The following TMEM63C variants were observed in gnomAD, a reference collection of about 807,000 sequenced individuals.
TMEM63C encodes the protein transmembrane protein 63C.
TMEM63C carries 32 observed loss-of-function variants against 99.2 expected under a neutral mutation model. That is an observed-to-expected ratio of 0.32 (90% confidence interval 0.24 to 0.43). TMEM63C has a LOEUF of 0.43. Among genes scored for constraint, TMEM63C ranks in the 20% least tolerant of loss-of-function variants. The pLI is 1.00. For missense variants in TMEM63C, 826 were observed against 1,053.0 expected (o/e 0.78, Z 2.98); for synonymous variants, 376 against 397.9 (o/e 0.94, Z 0.66).
chr14:77,231,524 C>T, intron 6 of TMEM63C, 64 bp from the exon 7 acceptor site: 1 of 1,538,470 alleles, frequency 6.5e-7, no homozygotes, highest in African/African-American at 1.4e-5. Flanking sequence ...CCCTCTACCT[C>T]CCCGCAACAA....
At chr14:77,204,623 G>A (rs571589818) in intron 1 of TMEM63C, among the ~76,000 whole-genome samples, 23 of 152,330 alleles carry the variant, frequency 1.5e-4, no homozygotes, top group Admixed American at 2.6e-4. Context: ...TTCCCTTTGC[G>A]GGGAGGTGTG....
chr14:77,199,250 G>C (rs1888258261), intron 1 of TMEM63C, among the ~76,000 whole-genome samples: 1 of 152,178 alleles, frequency 6.6e-6, no homozygotes, highest in African/African-American at 2.4e-5. Flanking sequence ...AAGGCCAAAT[G>C]CCTTTCATGA....
At position 77,239,620 on chromosome 14, in the gene TMEM63C, G is replaced by C; in HGVS notation, c.824G>C (p.Gly275Ala). 1.2e-6 allele frequency: 2 copies of C among 1,613,384 alleles called. No homozygotes were observed. The highest frequency in any genetic ancestry group is 1.1e-5 in the South Asian group (1 of 91,036). Reference sequence around the variant, plus strand: ...GCTGGCAGGCGCCATGCCATGCGGGGCCGGCTTTTCTATACAGCCAAGGCC... The same window carrying C: ...GCTGGCAGGCGCCATGCCATGCGGGCCCGGCTTTTCTATACAGCCAAGGCC... The part of the protein sequence containing the change: ...LDDQRRHAMR[G>A]RLFYTAKAKK... Residue 275 changes from glycine (G) to alanine (A), a missense_variant, in exon 12 of 24, where the codon GGC becomes GCC. Gly to Ala is a moderately conservative substitution (Grantham distance 60, BLOSUM62 0). Transcript: ENST00000298351.
intron 1 of TMEM63C, among the ~76,000 whole-genome samples, chr14:77,198,885 G>A (rs988561140): frequency 2.0e-5 from 3 of 152,180 alleles, no homozygotes; most frequent in African/African-American, 4.8e-5. Context: ...GCTGGTTCCC[G>A]CAAGGTGGTA....
Position 77,240,702 on chromosome 14 carries a change from C to T in TMEM63C, c.1064+94C>T, listed in dbSNP as rs889875549. On this transcript the variant is annotated intron_variant, in intron 13 of 23. Transcript: ENST00000298351. ...CCACCTCCAGTTTCCCCTTCTGCCT[C>T]CCCTGGGCCCTCCATGCTCGTCACA... 75 of 1,475,364 alleles carry T rather than the reference C, an allele frequency of 5.1e-5. No individual in the cohort carries two copies. The Middle Eastern group carries it at 8.8e-4, about 17-fold the overall frequency. 91.4% of individuals were successfully genotyped at this position (1,475,364 alleles called of 1,614,324 possible).
chr14:77,201,072 C>A (rs750741258), intron 1 of TMEM63C: 1 of 146,334 alleles, frequency 6.8e-6, no homozygotes, highest in Non-Finnish European at 1.5e-5. Flanking sequence ...AGATAGAAAA[C>A]CAAGTGGGAA....
At chr14:77,237,387 G>T (rs73307486) in intron 9 of TMEM63C, among the ~76,000 whole-genome samples, 5,455 of 152,206 alleles carry the variant, frequency 0.036, 304 homozygotes, top group African/African-American at 0.12. Flanking sequence ...CAGACCCTGA[G>T]ACTTGGAATG....
At position 77,258,988 on chromosome 14, in the gene TMEM63C, T is replaced by C. The variant is rs974380897; in HGVS notation, c.*2262T>C. 2.6e-5 allele frequency: 4 copies of C among 152,432 alleles called. No individual in the cohort carries two copies. The highest frequency in any genetic ancestry group is 1.3e-4 in the Admixed American group (2 of 15,310). 9.4% of individuals were successfully genotyped at this position (152,432 alleles called of 1,614,324 possible). On this transcript the variant is annotated 3_prime_UTR_variant, in exon 24 of 24. Transcript: ENST00000298351. ...GGGAACCAGCAAAGCCTCATGGCAG[T>C]TGGCTCCATCTGGACCTCCCATGGT...
chr14:77,187,549 T>C (rs1197941232), intron 1 of TMEM63C, among the ~76,000 whole-genome samples: 2 of 152,194 alleles, frequency 1.3e-5, no homozygotes, highest in African/African-American at 4.8e-5. Context: ...CCCAGGCACA[T>C]ACATGCAGCT....
intron 13 of TMEM63C, among the ~76,000 whole-genome samples, chr14:77,241,800 G>A (rs973693352): frequency 6.6e-6 from 1 of 152,178 alleles, no homozygotes; most frequent in African/African-American, 2.4e-5. Flanking sequence ...TTGCCATTTG[G>A]TAGAGAGGAT....
At chr14:77,244,879 G>T (rs1434748128) in intron 16 of TMEM63C, among the ~76,000 whole-genome samples, 2 of 152,198 alleles carry the variant, frequency 1.3e-5, no homozygotes, top group Non-Finnish European at 2.9e-5. Context: ...AACTCACTAT[G>T]ACTGTCATCA....
At chr14:77,235,786 G>C (rs112088033) in intron 8 of TMEM63C, among the ~76,000 whole-genome samples, 1 of 2,046 alleles carries the variant, frequency 4.9e-4, no homozygotes, top group East Asian at 0.023. Flanking sequence ...ACTGTGATGG[G>C]TGGGCGGTAT....
chr14:77,193,692 G>T (rs1214311729), intron 1 of TMEM63C, among the ~76,000 whole-genome samples: 1 of 152,122 alleles, frequency 6.6e-6, no homozygotes, highest in African/African-American at 2.4e-5. Flanking sequence ...AAATTAGCCG[G>T]GTGTGGTGAC....
chr14:77,246,568 A>G (rs773024084), intron 17 of TMEM63C, 41 bp from the exon 18 acceptor site: 88 of 1,573,290 alleles, frequency 5.6e-5, no homozygotes, highest in Middle Eastern at 5.0e-4. Context: ...CTTAGCTCAT[A>G]GGTTTGCTAA....
At chr14:77,204,304 A>C (rs1473596420) in intron 1 of TMEM63C, among the ~76,000 whole-genome samples, 3 of 152,166 alleles carry the variant, frequency 2.0e-5, no homozygotes, top group Non-Finnish European at 4.4e-5. Context: ...TTGCCATGAT[A>C]GGCTTTGAGC....
intron 8 of TMEM63C, 102 bp downstream of exon 8, chr14:77,233,602 A>G: frequency 8.0e-7 from 1 of 1,247,974 alleles, no homozygotes; most frequent in South Asian, 1.3e-5. Flanking sequence ...TTTTGCTGAT[A>G]AGAAAGGCCT....
chr14:77,184,447 CT>C (rs1355857746), intron 1 of TMEM63C, among the ~76,000 whole-genome samples: 1 of 152,186 alleles, frequency 6.6e-6, no homozygotes, highest in East Asian at 1.9e-4. Context: ...ATTCCACGAC[CT>C]CTGCTCTGAT....
chr14:77,241,012 A>G (rs754005811), intron 13 of TMEM63C, among the ~76,000 whole-genome samples: 1 of 145,748 alleles, frequency 6.9e-6, no homozygotes, highest in Non-Finnish European at 1.5e-5. Flanking sequence ...GTGCAATGGC[A>G]CAATCTCAGC....
intron 21 of TMEM63C, among the ~76,000 whole-genome samples, chr14:77,250,309 C>T (rs527328489): frequency 1.3e-5 from 2 of 152,156 alleles, no homozygotes; most frequent in Admixed American, 1.3e-4. Context: ...AGAAATCTCT[C>T]AGCTTTCTCC....
Sources: allele counts gnomAD v4.1 joint callset (sites outside exome capture counted in the v4.1 genomes callset), GRCh38; gene constraint gnomAD v4.1.1; transcripts MANE v1.5; gene names NCBI Gene and HGNC (gene_info 2026-07-23, HGNC 2026-07-21).